Variants in MYT1 observed in about 807,000 individuals in gnomAD.
MYT1 encodes the protein myelin transcription factor 1.
In MYT1, 23 loss-of-function variants were observed where a neutral mutation model predicts 123.0. The observed-to-expected ratio is 0.19, with a 90% CI of 0.13 to 0.26. The LOEUF is 0.26. Among genes scored for constraint, MYT1 ranks in the 10% least tolerant of loss-of-function variants. The pLI, the probability that MYT1 is intolerant of heterozygous loss-of-function variation, is 1.00. For missense variants in MYT1, 1,125 were observed against 1,472.5 expected, an observed-to-expected ratio of 0.76 and a Z score of 3.86; for synonymous variants, 518 against 575.3, an observed-to-expected ratio of 0.90 and a Z score of 1.43.
rs1250060935 is a variant in MYT1 at position 64,196,710 on chromosome 20, C to T, written c.1-2152C>T. Among the ~76,000 whole-genome samples, 1 of 149,510 alleles carries T rather than the reference C, an allele frequency of 6.7e-6. No homozygotes were observed. Among genetic ancestry groups the T allele is most frequent in the African/African-American group, 2.6e-5 (1 of 38,946 alleles). Reference sequence around the variant, plus strand: ...AAAAGGTGCTCAGCAGAAGGAGCGGCAGAGCTGTCAGCTTCATCAACGGGA... The same window carrying T: ...AAAAGGTGCTCAGCAGAAGGAGCGGTAGAGCTGTCAGCTTCATCAACGGGA... On this transcript the variant is annotated intron_variant, in intron 2 of 22. Transcript: ENST00000328439. This position sits in a 1 kb window ranked among gnomAD's most constrained non-coding sequence, Gnocchi z 4.3.
rs1470519390 is a variant in MYT1 at position 64,231,114 on chromosome 20, C to G, written c.2676-1050C>G. Among the ~76,000 whole-genome samples, 1 of 151,560 alleles carries G rather than the reference C, an allele frequency of 6.6e-6. No individual in the cohort carries two copies. Among genetic ancestry groups the G allele is most frequent in the Non-Finnish European group, 1.5e-5 (1 of 67,866 alleles). ...GACTTCCCTGTATGCCCATGAATCTCCTCGTAAATGGAGCCATGGTGACCT... is the reference window on the plus strand; with the variant it reads ...GACTTCCCTGTATGCCCATGAATCTGCTCGTAAATGGAGCCATGGTGACCT... On this transcript the variant is annotated intron_variant, in intron 18 of 22. Transcript: ENST00000328439. This position sits in a 1 kb window ranked among gnomAD's most constrained non-coding sequence, Gnocchi z 6.4.
rs561579328 is a variant in MYT1, at chr20:64,167,961, C to T, written c.-99+3222C>T. On this transcript the variant is annotated intron_variant, in intron 1 of 22. Coordinates refer to ENST00000328439, the MANE Select transcript of MYT1 (RefSeq NM_004535.3). The surrounding 1 kb of genome is among the most constrained non-coding windows in gnomAD (Gnocchi z 6.3). The stretch of plus-strand genomic sequence containing the variant: ...AGCAGTGGCTGCCGTGCTGCTCCCC[C>T]GTGGGCTTCCTGCTCTTTGGGGACT... Among the ~76,000 whole-genome samples, 17 of 152,340 alleles carry T rather than the reference C, an allele frequency of 1.1e-4. No homozygotes were observed. Among genetic ancestry groups the T allele is most frequent in the South Asian group, 2.1e-4 (1 of 4,830 alleles).
Position 64,221,968 on chromosome 20 carries a change from C to A in MYT1, c.2317C>A (p.Arg773=). The change falls in exon 14 of 23, where the codon CGG becomes AGG. Residue 773 remains arginine, a synonymous_variant. Transcript: ENST00000328439. ...QEVSEENFEE[R]KYPGEVTLTN... is the part of the protein sequence containing the mutation. ...AGTGTCGGAAGAGAATTTTGAGGAG[C>A]GGAAGTATCCGGGGGAAGTCACCCT... 1.2e-6 allele frequency: 2 copies of A among 1,613,660 alleles called. No individual in the cohort carries two copies. Among genetic ancestry groups the A allele is most frequent in the Non-Finnish European group, 1.7e-6 (2 of 1,180,016 alleles).
At chr20:64,177,766 G>T (rs1190049788) in intron 1 of MYT1, among the ~76,000 whole-genome samples, 2 of 151,846 alleles carry the variant, frequency 1.3e-5, no homozygotes, top group African/African-American at 4.8e-5. Flanking sequence ...GTGGGCTGAG[G>T]GAGTCCTGTT....
rs1982929867 is a variant in MYT1 at position 64,190,410 on chromosome 20, A to G, written c.-1+250A>G. On this transcript the variant is annotated intron_variant, in intron 2 of 22. Coordinates refer to ENST00000328439, the MANE Select transcript of MYT1 (RefSeq NM_004535.3). This position sits in a 1 kb window ranked among gnomAD's most constrained non-coding sequence, Gnocchi z 4.1. ...GACCCCAGGCTGGGCCCGGTGGCTC[A>G]CACCTGTAATCCCAGCACTTTGGGA... Among the ~76,000 whole-genome samples, 1 of 152,216 alleles carries G rather than the reference A, an allele frequency of 6.6e-6. No individual in the cohort carries two copies.
chr20:64,211,997 C>A, intron 8 of MYT1, 51 bp from the exon 9 acceptor site: 1 of 1,505,434 alleles, frequency 6.6e-7, no homozygotes, highest in South Asian at 1.1e-5. Context: ...AGCTGGCGCT[C>A]CCCAGATTCT....
At chr20:64,177,616 C>T (rs575970627) in intron 1 of MYT1, among the ~76,000 whole-genome samples, 5 of 151,366 alleles carry the variant, frequency 3.3e-5, no homozygotes, top group Admixed American at 2.6e-4. Context: ...CATGAGGGCA[C>T]CCCTCTCCGG....
intron 4 of MYT1, among the ~76,000 whole-genome samples, chr20:64,200,777 C>T (rs1983273074): frequency 1.3e-5 from 2 of 152,170 alleles, no homozygotes; most frequent in South Asian, 2.1e-4. Flanking sequence ...AGAGCTGAAT[C>T]GCATGTGCTA....
chr20:64,177,798 G>A (rs1415461212), intron 1 of MYT1, among the ~76,000 whole-genome samples: 1 of 152,186 alleles, frequency 6.6e-6, no homozygotes, highest in Non-Finnish European at 1.5e-5. Context: ...TCAGCCCCAT[G>A]GGACCCGCAG....
At chr20:64,211,542 C>A (rs1983665895) in intron 8 of MYT1, among the ~76,000 whole-genome samples, 2 of 152,238 alleles carry the variant, frequency 1.3e-5, no homozygotes, top group South Asian at 4.1e-4. Context: ...GGCTGGGGCC[C>A]TGCAACCAGC....
chr20:64,180,043 C>G (rs951569657), intron 1 of MYT1, among the ~76,000 whole-genome samples: 2 of 140,318 alleles, frequency 1.4e-5, no homozygotes, highest in Non-Finnish European at 3.2e-5. Flanking sequence ...ACATGCCACA[C>G]AGTCACACAC....
At position 64,223,150 on chromosome 20, in the gene MYT1, C is replaced by G. The variant is rs139981254; in HGVS notation, c.2436C>G (p.Thr812=). The G allele has an allele frequency of 6.2e-7, 1 of 1,614,114 alleles. No homozygotes were observed. The highest frequency in any genetic ancestry group is 1.1e-5 in the South Asian group (1 of 91,068). The change falls in exon 15 of 23, where the codon ACC becomes ACG. Residue 812 remains threonine (T), a synonymous_variant. Transcript: ENST00000328439. ...GCTGTGACGGCAGCGGCCACATCAC[C>G]GGGAACTACGCCTCCCACCGCAGGT... ...TPGCDGSGHI[T]GNYASHRSLS...
Position 64,211,328 on chromosome 20 carries a change from A to T in MYT1, c.1414A>T (p.Ile472Phe). ...SLSGCPHKDR[I>F]PPEILAMHEN... is the part of the protein sequence containing the mutation. Reference sequence around the variant, plus strand: ...TTCTGGCTGTCCCCACAAGGATAGGATCCCCCCAGAGAGTGAGTAGCTCTG... The same window carrying T: ...TTCTGGCTGTCCCCACAAGGATAGGTTCCCCCCAGAGAGTGAGTAGCTCTG... Residue 472 changes from isoleucine (I) to phenylalanine (F), a missense_variant, in exon 8 of 23, where the codon ATC becomes TTC. By Grantham distance (21) the Ile-to-Phe change is conservative (BLOSUM62 0). Coordinates refer to ENST00000328439, the MANE Select transcript of MYT1 (RefSeq NM_004535.3). The T allele has an allele frequency of 6.2e-7, 1 of 1,613,484 alleles. No homozygotes were observed. Among genetic ancestry groups the T allele is most frequent in the Non-Finnish European group, 8.5e-7 (1 of 1,179,610 alleles).
chr20:64,218,693 AAG>A lies in MYT1; in HGVS notation c.1847-217_1847-216del. ...GGACTTGGGACTGGGACGGGTGGCCAAGCCCCTGGCCCACTTCGATATAGCTG... is the reference window on the plus strand; with the variant it reads ...GGACTTGGGACTGGGACGGGTGGCCACCCCTGGCCCACTTCGATATAGCTG... On this transcript the variant is annotated intron_variant, in intron 11 of 22. Transcript: ENST00000328439. The surrounding 1 kb of genome is among the most constrained non-coding windows in gnomAD (Gnocchi z 4.0). 1.6e-6 allele frequency: 1 copy of A among 631,634 alleles called. No homozygotes were observed. The highest frequency in any genetic ancestry group is 2.8e-6 in the Non-Finnish European group (1 of 358,958). The allele number at this position is 631,634 out of a possible 1,614,324, so 39.1% of individuals were successfully genotyped here.
chr20:64,226,295 G>A (rs574290416), intron 16 of MYT1, among the ~76,000 whole-genome samples: 1 of 152,406 alleles, frequency 6.6e-6, no homozygotes, highest in South Asian at 2.1e-4. Flanking sequence ...GGTGGGGCCA[G>A]CCCTGCTGTG....
intron 7 of MYT1, among the ~76,000 whole-genome samples, chr20:64,209,333 C>G (rs1983594748): frequency 6.6e-6 from 1 of 152,226 alleles, no homozygotes; most frequent in Admixed American, 6.5e-5. Context: ...GGGGCTGCTC[C>G]CTCAGTGAGC....
Position 64,242,088 on chromosome 20 carries a change from G to T in MYT1, c.*1640G>T, listed in dbSNP as rs548193803. ...GTCCTGTTGCTGTGAGGGAGTGCTG[G>T]CCGCAGGCAGCCTCGAGTCACCGCC... On this transcript the variant is annotated 3_prime_UTR_variant, in exon 23 of 23. Transcript: ENST00000328439. 1 of 152,702 alleles carries T rather than the reference G, an allele frequency of 6.5e-6. No homozygotes were observed. The highest frequency in any genetic ancestry group is 2.1e-4 in the South Asian group (1 of 4,824). 9.5% of individuals were successfully genotyped at this position (152,702 alleles called of 1,614,324 possible). A position where few individuals can be genotyped will look rare whatever the true frequency, so the allele number is the denominator to read the frequency against.
Position 64,226,244 on chromosome 20 carries a change from C to T in MYT1, c.2529-1171C>T, listed in dbSNP as rs75692938. On this transcript the variant is annotated intron_variant, in intron 16 of 22. Coordinates refer to ENST00000328439, the MANE Select transcript of MYT1 (RefSeq NM_004535.3). The stretch of plus-strand genomic sequence containing the variant: ...GAATGTGAGGCTCCCCAGGAGGGCA[C>T]CCCAAAAAAACTCCTAGGGGCCGAA... 4.2e-3 allele frequency among the ~76,000 whole-genome samples: 646 copies of T among 152,314 alleles called. 5 individuals are homozygous for T. The highest frequency in any genetic ancestry group is 0.015 in the African/African-American group (636 of 41,586).
chr20:64,209,400 G>A (rs1336464801), intron 7 of MYT1, among the ~76,000 whole-genome samples: 3 of 152,194 alleles, frequency 2.0e-5, no homozygotes, highest in African/African-American at 4.8e-5. Flanking sequence ...GGCCTGGTGC[G>A]GAGGGCCTCC....
Sources: allele counts gnomAD v4.1 joint callset (sites outside exome capture counted in the v4.1 genomes callset), GRCh38; gene constraint gnomAD v4.1.1; non-coding constraint Gnocchi (gnomAD v3.1); transcripts MANE v1.5; gene names NCBI Gene and HGNC (gene_info 2026-07-23, HGNC 2026-07-21).